GCSAML: variants seen among roughly 807,000 people sequenced by gnomAD.
GCSAML encodes germinal center-associated signaling and motility-like protein.
In GCSAML, 9 loss-of-function variants were observed where a neutral mutation model predicts 13.0. The observed-to-expected ratio is 0.69, with a 90% CI of 0.42 to 1.21. GCSAML has a LOEUF of 1.21. Among genes scored for constraint, GCSAML ranks in the 50% most tolerant of loss-of-function variants. The pLI is 0.00. For synonymous variants in GCSAML, 37 were observed against 52.9 expected (o/e 0.70, Z 1.31); for missense variants, 143 against 153.4 (o/e 0.93, Z 0.36).
intron 2 of GCSAML, among the ~76,000 whole-genome samples, chr1:247,559,880 C>G (rs1668066306): frequency 6.6e-6 from 1 of 152,158 alleles, no homozygotes; most frequent in Admixed American, 6.5e-5. Flanking sequence ...AAATAAGGCC[C>G]AATCTTATGA....
At chr1:247,534,941 C>T (rs1352408630) in intron 2 of GCSAML, among the ~76,000 whole-genome samples, 1 of 152,112 alleles carries the variant, frequency 6.6e-6, no homozygotes, top group East Asian at 1.9e-4. Context: ...AATCATCTGG[C>T]CTGCATATAG....
intron 1 of GCSAML, among the ~76,000 whole-genome samples, chr1:247,519,586 T>C (rs1331680291): frequency 6.6e-6 from 1 of 152,244 alleles, no homozygotes; most frequent in Non-Finnish European, 1.5e-5. Context: ...TATATGTCAC[T>C]TACAACATCA....
chr1:247,531,790 G>A, intron 2 of GCSAML: 2 of 1,614,172 alleles, frequency 1.2e-6, no homozygotes, highest in Middle Eastern at 1.6e-4. Context: ...GGAAGAACAG[G>A]TGTTGAATGC....
At chr1:247,573,446 T>C (rs368710983) in intron 4 of GCSAML, among the ~76,000 whole-genome samples, 1 of 151,798 alleles carries the variant, frequency 6.6e-6, no homozygotes, top group East Asian at 1.9e-4. Context: ...AGGGAGGGAG[T>C]TCCCCAATCC....
rs796687264 is a variant in GCSAML, at chr1:247,567,143, T to C, written c.168+1184T>C. The stretch of plus-strand genomic sequence containing the variant: ...TTTTCTAGAAACATTTCTTACATTA[T>C]ATATATTTTATTATTTATTTATTTA... On this transcript the variant is annotated intron_variant, in intron 4 of 4. Transcript: ENST00000366488. Among the ~76,000 whole-genome samples the C allele has an allele frequency of 2.0e-5, 3 of 150,510 alleles. No homozygotes were observed. In the South Asian group the frequency reaches 6.2e-4, roughly 31 times the overall value.
rs560522862 is a variant in GCSAML at position 247,551,668 on chromosome 1, T to C, written c.29+2448T>C. 7.2e-5 allele frequency among the ~76,000 whole-genome samples: 11 copies of C among 152,294 alleles called. No homozygotes were observed. In the South Asian group the frequency reaches 2.3e-3, roughly 32 times the overall value. On this transcript the variant is annotated intron_variant, in intron 1 of 4. Coordinates refer to ENST00000366488, the MANE Select transcript of GCSAML (RefSeq NM_145278.5). Reference sequence around the variant, plus strand: ...AATCAGCTGAGAAAAGGCAGATTAATAGGACAAAAGGCAAATTTATTGATC... The same window carrying C: ...AATCAGCTGAGAAAAGGCAGATTAACAGGACAAAAGGCAAATTTATTGATC...
chr1:247,523,508 A>G (rs1666532312), intron 1 of GCSAML, among the ~76,000 whole-genome samples: 1 of 152,214 alleles, frequency 6.6e-6, no homozygotes, highest in African/African-American at 2.4e-5. Flanking sequence ...ACCCATAGCA[A>G]GTACTTAATG....
At chr1:247,543,690 T>A (rs1169421996) in intron 2 of GCSAML, among the ~76,000 whole-genome samples, 1 of 152,220 alleles carries the variant, frequency 6.6e-6, no homozygotes. Context: ...ATGAATTTAT[T>A]TAACTTTCTA....
At chr1:247,540,696 A>C (rs1667384918) in intron 2 of GCSAML, among the ~76,000 whole-genome samples, 1 of 152,202 alleles carries the variant, frequency 6.6e-6, no homozygotes, top group African/African-American at 2.4e-5. Flanking sequence ...TGCAAGAGCA[A>C]GTGGGGGAGG....
intron 1 of GCSAML, among the ~76,000 whole-genome samples, chr1:247,512,224 T>G (rs926417420): frequency 6.6e-6 from 1 of 152,052 alleles, no homozygotes; most frequent in Non-Finnish European, 1.5e-5. Flanking sequence ...CTTTTTTCTA[T>G]AATCTTTGTC....
At chr1:247,551,021 A>G (rs1667760519) in intron 1 of GCSAML, among the ~76,000 whole-genome samples, 1 of 152,212 alleles carries the variant, frequency 6.6e-6, no homozygotes, top group African/African-American at 2.4e-5. Flanking sequence ...AAACTTGTCA[A>G]GGTTGCCTTT....
At position 247,574,691 on chromosome 1, in the gene GCSAML, C is replaced by T. The variant is rs557701995; in HGVS notation, c.*309C>T. 3 of 288,964 alleles carry T rather than the reference C, an allele frequency of 1.0e-5. No homozygotes were observed. Among genetic ancestry groups the T allele is most frequent in the South Asian group, 5.1e-5 (1 of 19,464 alleles). The allele number at this position is 288,964 out of a possible 1,614,324, so 17.9% of individuals were successfully genotyped here. A position where few individuals can be genotyped will look rare whatever the true frequency, so the allele number is the denominator to read the frequency against. ...TAAAATGAAAATAAATTTCTAATCC[C>T]CCTGACTAACTGAATGGACCCTCTT... On this transcript the variant is annotated 3_prime_UTR_variant, in exon 5 of 5. Coordinates refer to ENST00000366488, the MANE Select transcript of GCSAML (RefSeq NM_145278.5).
chr1:247,566,490 G>T (rs1668372891), intron 4 of GCSAML, among the ~76,000 whole-genome samples: 1 of 152,118 alleles, frequency 6.6e-6, no homozygotes, highest in South Asian at 2.1e-4. Flanking sequence ...GAATCCACTG[G>T]CCTCAGCCTC....
chr1:247,544,235 G>T (rs1393924965), upstream of GCSAML, among the ~76,000 whole-genome samples: 1 of 152,190 alleles, frequency 6.6e-6, no homozygotes. Flanking sequence ...TAGACAGCTT[G>T]TTAAACCGAA....
At position 247,574,638 on chromosome 1, in the gene GCSAML, T is replaced by TA. The variant is rs1268510416; in HGVS notation, c.*264dup. 1.4e-4 allele frequency: 61 copies of TA among 428,906 alleles called. No homozygotes were observed. The highest frequency in any genetic ancestry group is 8.8e-4 in the Admixed American group (22 of 24,944). 26.6% of individuals were successfully genotyped at this position (428,906 alleles called of 1,614,324 possible). ...GTAAAGTTTGAGGACATGGAGGTGA[T>TA]AAAAAAAACTTTCTTAGGACAATAA... On this transcript the variant is annotated 3_prime_UTR_variant, in exon 5 of 5. Coordinates refer to ENST00000366488, the MANE Select transcript of GCSAML (RefSeq NM_145278.5).
chr1:247,531,639 G>A (rs754082316), intron 2 of GCSAML: 26 of 1,614,210 alleles, frequency 1.6e-5, no homozygotes, highest in Non-Finnish European at 2.2e-5. Flanking sequence ...TCCTCAGGGT[G>A]TAAATAAGTG....
intron 2 of GCSAML, among the ~76,000 whole-genome samples, chr1:247,539,465 A>G (rs1193111076): frequency 6.6e-6 from 1 of 152,216 alleles, no homozygotes; most frequent in African/African-American, 2.4e-5. Context: ...TCGTTACCAC[A>G]GTGATCTATA....
At chr1:247,539,874 G>A (rs997958017) in intron 2 of GCSAML, among the ~76,000 whole-genome samples, 5 of 152,262 alleles carry the variant, frequency 3.3e-5, no homozygotes, top group Non-Finnish European at 5.9e-5. Flanking sequence ...AATACCCCAT[G>A]TTGTTTCATA....
intron 2 of GCSAML, chr1:247,528,137 T>C (rs2103328013): frequency 6.6e-6 from 1 of 152,278 alleles, no homozygotes; most frequent in African/African-American, 2.4e-5. Context: ...AATAATGTTA[T>C]CATGTGTCTC....
Sources: allele counts gnomAD v4.1 joint callset (sites outside exome capture counted in the v4.1 genomes callset), GRCh38; gene constraint gnomAD v4.1.1; transcripts MANE v1.5; gene names NCBI Gene and HGNC (gene_info 2026-07-23, HGNC 2026-07-21).